The following KAT6B variants were observed in gnomAD, a reference collection of about 807,000 sequenced individuals.
KAT6B encodes histone acetyltransferase KAT6B.
A neutral mutation model predicts 187.5 loss-of-function variants in KAT6B; 10 were observed. The observed-to-expected ratio is 0.05, with a 90% CI of 0.03 to 0.09. KAT6B has a LOEUF of 0.09. Among genes scored for constraint, KAT6B ranks in the 10% least tolerant of loss-of-function variants. The probability of loss-of-function intolerance (pLI) is 1.00; values close to 1 mark genes in which losing one functional copy is unlikely to be tolerated. For missense variants in KAT6B, 1,952 were observed against 2,558.9 expected (o/e 0.76, Z 5.12); for synonymous variants, 861 against 926.8 (o/e 0.93, Z 1.29).
intron 8 of KAT6B, 105 bp from the exon 9 acceptor site, chr10:74,977,211 A>T: frequency 2.5e-6 from 3 of 1,206,112 alleles, no homozygotes; most frequent in Non-Finnish European, 3.6e-6. Flanking sequence ...TTTAAAAAAA[A>T]TCCCTATTTG....
At chr10:74,883,044 G>A (rs565495687) in intron 3 of KAT6B, among the ~76,000 whole-genome samples, 23 of 152,300 alleles carry the variant, frequency 1.5e-4, no homozygotes, top group Admixed American at 5.2e-4. Context: ...AGTGACTCAT[G>A]TACTGTTTTC....
intron 3 of KAT6B, among the ~76,000 whole-genome samples, chr10:74,938,988 C>T (rs548292408): frequency 2.3e-4 from 35 of 151,942 alleles, no homozygotes; most frequent in Admixed American, 1.1e-3. Context: ...CTGCTCACCT[C>T]GACCTCCCAG....
At chr10:74,878,222 G>A (rs542796903) in intron 3 of KAT6B, among the ~76,000 whole-genome samples, 8 of 152,174 alleles carry the variant, frequency 5.3e-5, no homozygotes, top group Non-Finnish European at 1.2e-4. Context: ...GAGGAAAGGG[G>A]TTGACTTGTT....
At chr10:74,994,019 A>C (rs1319936060) in intron 13 of KAT6B, among the ~76,000 whole-genome samples, 1 of 152,198 alleles carries the variant, frequency 6.6e-6, no homozygotes, top group Non-Finnish European at 1.5e-5. Context: ...CTTTGGGATT[A>C]TATAAATATC....
chr10:75,028,100 C>G (rs1283646123), intron 17 of KAT6B, among the ~76,000 whole-genome samples: 2 of 152,120 alleles, frequency 1.3e-5, no homozygotes, highest in Admixed American at 6.5e-5. Context: ...TTTTCCAGGA[C>G]AGTAATGATT....
chr10:74,912,034 G>C (rs754872802), intron 3 of KAT6B, among the ~76,000 whole-genome samples: 2 of 152,016 alleles, frequency 1.3e-5, no homozygotes, highest in Non-Finnish European at 2.9e-5. Flanking sequence ...TTGACCTCCT[G>C]GGCTCAAGGG....
At chr10:74,936,496 T>A (rs1199035401) in intron 3 of KAT6B, among the ~76,000 whole-genome samples, 1 of 152,190 alleles carries the variant, frequency 6.6e-6, no homozygotes, top group African/African-American at 2.4e-5. Flanking sequence ...CCCAGGTTTA[T>A]GTTGATTATT....
At position 75,030,428 on chromosome 10, in the gene KAT6B, C is replaced by T. The variant is rs1846224031; in HGVS notation, c.5604C>T (p.Val1868=). 3 of 1,614,224 alleles carry T rather than the reference C, an allele frequency of 1.9e-6. No homozygotes were observed. Among genetic ancestry groups the T allele is most frequent in the Middle Eastern group, 1.6e-4 (1 of 6,062 alleles). The part of the protein sequence containing the change: ...LVQLSQSPHS[V]PGGPQAQATM... The stretch of plus-strand genomic sequence containing the variant: ...AACTTTCTCAGTCTCCACACTCCGT[C>T]CCTGGGGGACCCCAAGCACAAGCTA... Residue 1868 remains valine, a synonymous_variant, in exon 18 of 18, where the codon GTC becomes GTT. Transcript: ENST00000287239. This position sits in a 1 kb window ranked among gnomAD's most constrained non-coding sequence, Gnocchi z 4.8.
chr10:74,996,536 C>T (rs1436395813), intron 13 of KAT6B, among the ~76,000 whole-genome samples: 1 of 151,668 alleles, frequency 6.6e-6, no homozygotes, highest in African/African-American at 2.4e-5. Flanking sequence ...TGTGGGAGGC[C>T]GAGGCAGGCA....
rs1161784865 is a variant in KAT6B, at chr10:75,030,764, C to T, written c.5940C>T (p.Asn1980=). The T allele has an allele frequency of 6.2e-7, 1 of 1,614,114 alleles. No individual in the cohort carries two copies. Among genetic ancestry groups the T allele is most frequent in the East Asian group, 2.2e-5 (1 of 44,896 alleles). The part of the protein sequence containing the change: ...NLMPAPAYNV[N]SVNMNMNTLN... ...TGCCAGCGCCAGCCTACAATGTCAA[C>T]TCTGTGAACATGAACATGAACACTC... The change falls in exon 18 of 18, where the codon AAC becomes AAT. Residue 1980 remains asparagine, a synonymous_variant. Coordinates refer to ENST00000287239, the MANE Select transcript of KAT6B (RefSeq NM_012330.4). The surrounding 1 kb of genome is among the most constrained non-coding windows in gnomAD (Gnocchi z 4.8).
At chr10:74,979,689 C>T (rs190837684) in intron 10 of KAT6B, among the ~76,000 whole-genome samples, 5 of 150,380 alleles carry the variant, frequency 3.3e-5, no homozygotes. Flanking sequence ...ACTTTCTTCT[C>T]CAGTTGTCTT....
In KAT6B at chr10:74,872,516, C is replaced by T. The variant is rs202214022; in HGVS notation, c.621+29038C>T. Among the ~76,000 whole-genome samples, 9 of 152,084 alleles carry T rather than the reference C, an allele frequency of 5.9e-5. No individual in the cohort carries two copies. The East Asian group carries it at 1.4e-3, about 23-fold the overall frequency. On this transcript the variant is annotated intron_variant, in intron 3 of 17. Transcript: ENST00000287239. ...TCAGCCTCCCGAGTAGGTGGGACTA[C>T]AGTTGTGTACCACCATGGCTGGCAA...
In KAT6B at chr10:74,903,780, C is replaced by T. The variant is rs74146252; in HGVS notation, c.622-56190C>T. Among the ~76,000 whole-genome samples, 572 of 152,260 alleles carry T rather than the reference C, an allele frequency of 3.8e-3. 3 individuals carry two copies. The highest frequency in any genetic ancestry group is 0.013 in the African/African-American group (538 of 41,538). ...TTGTGGCAGTAAGACTAATATAGTC[C>T]AGGGTCTGGCTAATTCTTAGCTTTG... On this transcript the variant is annotated intron_variant, in intron 3 of 17. Coordinates refer to ENST00000287239, the MANE Select transcript of KAT6B (RefSeq NM_012330.4).
At chr10:75,017,775 C>T (rs116682358) in intron 13 of KAT6B, among the ~76,000 whole-genome samples, 13 of 152,360 alleles carry the variant, frequency 8.5e-5, no homozygotes, top group African/African-American at 3.1e-4. Context: ...CCACCAAGCA[C>T]GCCAGTGGAG....
At chr10:74,830,824 G>A (rs1479952451) in intron 1 of KAT6B, among the ~76,000 whole-genome samples, 6 of 71,610 alleles carry the variant, frequency 8.4e-5, no homozygotes, top group Non-Finnish European at 1.4e-4. Context: ...TTTTGCTTTT[G>A]TCACCCAGGC....
intron 3 of KAT6B, among the ~76,000 whole-genome samples, chr10:74,924,753 CT>C (rs1848371200): frequency 6.6e-6 from 1 of 152,198 alleles, no homozygotes. Context: ...GACATTCCTT[CT>C]TTTGCCAAAA....
chr10:74,963,961 T>TA (rs1841281855), intron 4 of KAT6B, among the ~76,000 whole-genome samples: 1 of 148,754 alleles, frequency 6.7e-6, no homozygotes, highest in African/African-American at 2.5e-5. Context: ...CCATCCCTAC[T>TA]AAAAAAAGGA....
chr10:74,866,875 C>T (rs1173507971), intron 3 of KAT6B, among the ~76,000 whole-genome samples: 1 of 152,174 alleles, frequency 6.6e-6, no homozygotes, highest in African/African-American at 2.4e-5. Flanking sequence ...TTCAGCTCAC[C>T]TCATAACATC....
chr10:74,986,656 CA>C (rs1228364069), intron 12 of KAT6B, among the ~76,000 whole-genome samples: 1 of 152,066 alleles, frequency 6.6e-6, no homozygotes, highest in Non-Finnish European at 1.5e-5. Flanking sequence ...TTGCACATTA[CA>C]AATTCAAAAG....
Sources: allele counts gnomAD v4.1 joint callset (sites outside exome capture counted in the v4.1 genomes callset), GRCh38; gene constraint gnomAD v4.1.1; non-coding constraint Gnocchi (gnomAD v3.1); transcripts MANE v1.5; gene names NCBI Gene and HGNC (gene_info 2026-07-23, HGNC 2026-07-21).